Variants in HNF1A observed in about 807,000 individuals in gnomAD.
HNF1A encodes hepatocyte nuclear factor 1-alpha.
HNF1A carries 21 observed loss-of-function variants against 62.2 expected under a neutral mutation model. That is an observed-to-expected ratio of 0.34 (90% CI 0.24 to 0.49). The LOEUF is 0.49. Among genes scored for constraint, HNF1A ranks in the 20% least tolerant of loss-of-function variants. HNF1A has a pLI of 0.99. For missense variants in HNF1A, 687 were observed against 832.3 expected, an observed-to-expected ratio of 0.83 and a Z score of 2.15; for synonymous variants, 374 against 366.8, an observed-to-expected ratio of 1.02 and a Z score of -0.22.
At chr12:120,988,669 C>A (rs577797258) in intron 1 of HNF1A, among the ~76,000 whole-genome samples, 164 bp from the exon 2 acceptor site, 1 of 152,340 alleles carries the variant, frequency 6.6e-6, no homozygotes, top group South Asian at 2.1e-4. Context: ...AATGACCATA[C>A]CTCACCGTCC....
chr12:120,993,806 G>C, intron 3 of HNF1A, 100 bp downstream of exon 3: 1 of 1,251,038 alleles, frequency 8.0e-7, no homozygotes, highest in Non-Finnish European at 1.1e-6. Context: ...CTGTCCAGTT[G>C]CCGAGAACTC....
In HNF1A at chr12:120,978,990, G is replaced by A. The variant is rs771736628; in HGVS notation, c.222G>A (p.Thr74=). 16 of 1,608,114 alleles carry A rather than the reference G, an allele frequency of 9.9e-6. No homozygotes were observed. Among genetic ancestry groups the A allele is most frequent in the Middle Eastern group, 1.6e-4 (1 of 6,076 alleles). Reference sequence around the variant, plus strand: ...AGACTCGGGGCTCCGAGGACGAGACGGACGACGATGGGGAAGACTTCACGC... The same window carrying A: ...AGACTCGGGGCTCCGAGGACGAGACAGACGACGATGGGGAAGACTTCACGC... ...LGETRGSEDE[T]DDDGEDFTPP... is the part of the protein sequence containing the mutation. The change falls in exon 1 of 10, where the codon ACG becomes ACA. Residue 74 remains threonine, a synonymous_variant. Coordinates refer to ENST00000257555, the MANE Select transcript of HNF1A (RefSeq NM_000545.8).
intron 2 of HNF1A, among the ~76,000 whole-genome samples, chr12:120,989,868 G>A (rs1266189785): frequency 6.6e-6 from 1 of 152,130 alleles, no homozygotes; most frequent in African/African-American, 2.4e-5. Flanking sequence ...CTTAAAGTGG[G>A]AGTTGAATTT....
Position 120,979,020 on chromosome 12 carries a change from C to G in HNF1A, c.252C>G (p.Pro84=). ...ACGATGGGGAAGACTTCACGCCACC[C>G]ATCCTCAAAGAGCTGGAGAACCTCA... ...TDDDGEDFTP[P]ILKELENLSP... is the part of the protein sequence containing the mutation. Residue 84 remains proline, a synonymous_variant, in exon 1 of 10, where the codon CCC becomes CCG. Transcript: ENST00000257555. The G allele has an allele frequency of 6.2e-7, 1 of 1,610,862 alleles. No individual in the cohort carries two copies. The highest frequency in any genetic ancestry group is 8.5e-7 in the Non-Finnish European group (1 of 1,178,678).
At chr12:120,982,384 A>G (rs1343382292) in intron 1 of HNF1A, among the ~76,000 whole-genome samples, 5 of 152,038 alleles carry the variant, frequency 3.3e-5, no homozygotes, top group East Asian at 1.9e-4. Flanking sequence ...TCAAACCCCA[A>G]TCTTGAAGTA....
At position 121,001,725 on chromosome 12, in the gene HNF1A, C is replaced by T; in HGVS notation, c.*533C>T. 1 of 523,458 alleles carries T rather than the reference C, an allele frequency of 1.9e-6. No individual in the cohort carries two copies. Among genetic ancestry groups the T allele is most frequent in the South Asian group, 1.6e-5 (1 of 63,066 alleles). 32.4% of individuals were successfully genotyped at this position (523,458 alleles called of 1,614,324 possible). A position where few individuals can be genotyped will look rare whatever the true frequency, so the allele number is the denominator to read the frequency against. On this transcript the variant is annotated 3_prime_UTR_variant, in exon 10 of 10. Transcript: ENST00000257555. ...GCTAGTGACCCACATGCCATTTGTA[C>T]TGACCCCATCACCTACTCACACAGG...
chr12:120,998,762 T>C (rs180721491), intron 7 of HNF1A, among the ~76,000 whole-genome samples: 1 of 152,304 alleles, frequency 6.6e-6, no homozygotes, highest in Non-Finnish European at 1.5e-5. Context: ...GAGATGGAAG[T>C]ACTGCTGTCC....
intron 7 of HNF1A, among the ~76,000 whole-genome samples, chr12:120,998,559 A>G (rs1444451087): frequency 6.6e-6 from 1 of 152,030 alleles, no homozygotes; most frequent in Non-Finnish European, 1.5e-5. Context: ...GGGCCTGTGT[A>G]TGTCTGTGTG....
chr12:120,989,102 GCTGGA>G, intron 2 of HNF1A, 70 bp downstream of exon 2: 1 of 1,457,274 alleles, frequency 6.9e-7, no homozygotes, highest in Non-Finnish European at 9.5e-7. Flanking sequence ...ATAGGTGGGG[GCTGGA>G]AGCTTCACCA....
rs1026580886 is a variant in HNF1A, at chr12:120,978,726, A to T, written c.-43A>T. 1.2e-5 allele frequency: 19 copies of T among 1,579,470 alleles called. No individual in the cohort carries two copies. The Admixed American group carries it at 2.5e-4, about 21-fold the overall frequency. On this transcript the variant is annotated 5_prime_UTR_variant, in exon 1 of 10. Transcript: ENST00000257555. The stretch of plus-strand genomic sequence containing the variant: ...AACCCACGCGGTGGGGGAGGCGGCT[A>T]GCGTGGTGGACCCGGGCCGCGTGGC...
Position 120,994,216 on chromosome 12 carries a change from T to A in HNF1A, c.766T>A (p.Ser256Thr), listed in dbSNP as rs781711191. 4.3e-6 allele frequency: 7 copies of A among 1,613,228 alleles called. No individual in the cohort carries two copies. The highest frequency in any genetic ancestry group is 5.9e-6 in the Non-Finnish European group (7 of 1,179,752). Residue 256 changes from serine to threonine, a missense_variant, in exon 4 of 10, where the codon TCC (serine) becomes ACC (threonine). This residue lies in a region of HNF1A where 47 missense variants were observed against 109.4 expected (regional missense o/e 0.43). Transcript: ENST00000257555. ...VSPSQAQGLG[S>T]NLVTEVRVYN... ...CCCATCACAGGCACAGGGGCTGGGCTCCAACCTCGTCACGGAGGTGCGTGT... is the reference window on the plus strand; with the variant it reads ...CCCATCACAGGCACAGGGGCTGGGCACCAACCTCGTCACGGAGGTGCGTGT...
chr12:121,001,606 AC>A lies in HNF1A; in HGVS notation c.*416del. 1 of 439,730 alleles carries A rather than the reference AC, an allele frequency of 2.3e-6. No homozygotes were observed. The highest frequency in any genetic ancestry group is 4.0e-5 in the East Asian group (1 of 24,770). 27.2% of individuals were successfully genotyped at this position (439,730 alleles called of 1,614,324 possible). ...CAGGACACAGGCCTGTGTAGCTGTG[AC>A]CTGCTGAGCTCTGAGAGGCCCTGGA... On this transcript the variant is annotated 3_prime_UTR_variant, in exon 10 of 10. Transcript: ENST00000257555.
chr12:120,994,304 C>T lies in HNF1A; in HGVS notation c.854C>T (p.Thr285Met), dbSNP rs776327501. 17 of 1,612,056 alleles carry T rather than the reference C, an allele frequency of 1.1e-5. No individual in the cohort carries two copies. In the East Asian group the frequency reaches 1.1e-4, roughly 11 times the overall value. Residue 285 changes from threonine to methionine, a missense_variant, in exon 4 of 10, where the codon ACG (threonine) becomes ATG (methionine). Around this residue, in one of 5 missense-constraint regions of HNF1A, gnomAD observed 47 missense variants for 109.4 expected, o/e 0.43. Transcript: ENST00000257555. Reference sequence around the variant, plus strand: ...TTCCGGCACAAGCTGGCCATGGACACGTACAGCGGGCCCCCCCCAGGGCCA... The same window carrying T: ...TTCCGGCACAAGCTGGCCATGGACATGTACAGCGGGCCCCCCCCAGGGCCA... ...EAFRHKLAMD[T>M]YSGPPPGPGP...
At chr12:120,982,120 G>T (rs1382892393) in intron 1 of HNF1A, among the ~76,000 whole-genome samples, 1 of 152,170 alleles carries the variant, frequency 6.6e-6, no homozygotes, top group Non-Finnish European at 1.5e-5. Context: ...GGCCCGGCTG[G>T]AGTGCATGGC....
At chr12:120,987,271 G>A (rs1314276129) in intron 1 of HNF1A, among the ~76,000 whole-genome samples, 2 of 152,024 alleles carry the variant, frequency 1.3e-5, no homozygotes, top group South Asian at 2.1e-4. Flanking sequence ...TCAGGAGATC[G>A]AGACCATCCT....
chr12:120,986,443 G>A (rs1876512423), intron 1 of HNF1A, among the ~76,000 whole-genome samples: 1 of 152,212 alleles, frequency 6.6e-6, no homozygotes, highest in South Asian at 2.1e-4. Flanking sequence ...AATATTAAAA[G>A]CCACAAATTC....
chr12:120,994,382 C>T lies in HNF1A; in HGVS notation c.932C>T (p.Ala311Val), dbSNP rs757574765. 1 of 1,592,242 alleles carries T rather than the reference C, an allele frequency of 6.3e-7. No homozygotes were observed. Among genetic ancestry groups the T allele is most frequent in the Non-Finnish European group, 8.6e-7 (1 of 1,169,246 alleles). ...AHSSPGLPPP[A>V]LSPSKVHGVR... The stretch of plus-strand genomic sequence containing the variant: ...AGCTCCCCTGGCCTGCCTCCACCTG[C>T]CCTCTCCCCCAGTAAGGTCCACGGT... The change falls in exon 4 of 10, where the codon GCC becomes GTC. Residue 311 changes from alanine to valine, a missense_variant. Coordinates refer to ENST00000257555, the MANE Select transcript of HNF1A (RefSeq NM_000545.8).
In HNF1A at chr12:120,998,032, C is replaced by A. The variant is rs543677180; in HGVS notation, c.1501+367C>A. The A allele has an allele frequency of 1.9e-3, 1,016 of 528,408 alleles. 12 individuals carry two copies. The highest frequency in any genetic ancestry group is 0.014 in the South Asian group (682 of 48,730). The allele number at this position is 528,408 out of a possible 1,614,324, so 32.7% of individuals were successfully genotyped here. On this transcript the variant is annotated intron_variant, in intron 7 of 9. Transcript: ENST00000257555. ...TGGTGGCTCATGCCTGTAATCCCAG[C>A]ACTTTGGAAGGCCGAGGTGGGCAGA...
Position 121,002,174 on chromosome 12 carries a change from G to A in HNF1A, c.*982G>A. The stretch of plus-strand genomic sequence containing the variant: ...GGCCAAGCTGAGGTGCCCAGGAGAA[G>A]AAAGAGGTGACCCCAGGGCACAGGA... On this transcript the variant is annotated 3_prime_UTR_variant, in exon 10 of 10. Coordinates refer to ENST00000257555, the MANE Select transcript of HNF1A (RefSeq NM_000545.8). 1 of 483,134 alleles carries A rather than the reference G, an allele frequency of 2.1e-6. No homozygotes were observed. The highest frequency in any genetic ancestry group is 1.8e-5 in the South Asian group (1 of 56,262). 29.9% of individuals were successfully genotyped at this position (483,134 alleles called of 1,614,324 possible).
Sources: allele counts gnomAD v4.1 joint callset (sites outside exome capture counted in the v4.1 genomes callset), GRCh38; gene constraint gnomAD v4.1.1; regional missense constraint gnomAD v4.1.1; transcripts MANE v1.5; gene names NCBI Gene and HGNC (gene_info 2026-07-23, HGNC 2026-07-21).